RPTOR: variants seen among roughly 807,000 people sequenced by gnomAD.
The protein encoded by RPTOR is regulatory associated protein of MTOR complex 1, also known as regulatory-associated protein of mTOR.
RPTOR carries 21 observed loss-of-function variants against 169.9 expected under a neutral mutation model. The observed-to-expected ratio is 0.12, with a 90% CI of 0.09 to 0.18. The LOEUF (loss-of-function observed/expected upper bound fraction) is 0.18, where lower values mean the gene tolerates loss of function less well. RPTOR is among the 10% of genes least tolerant of loss of function. The pLI is 1.00. For missense variants in RPTOR, 1,133 were observed against 1,855.9 expected, an observed-to-expected ratio of 0.61 and a Z score of 7.16; for synonymous variants, 732 against 753.2, an observed-to-expected ratio of 0.97 and a Z score of 0.46.
intron 20 of RPTOR, among the ~76,000 whole-genome samples, chr17:80,908,467 C>G (rs2068572209): frequency 6.6e-6 from 1 of 152,174 alleles, no homozygotes; most frequent in Non-Finnish European, 1.5e-5. Context: ...TGCGGCAGCT[C>G]CTAGAAATCT....
In RPTOR at chr17:80,892,732, G is replaced by C; in HGVS notation, c.2105G>C (p.Gly702Ala). 6.2e-7 allele frequency: 1 copy of C among 1,613,388 alleles called. No homozygotes were observed. The highest frequency in any genetic ancestry group is 8.5e-7 in the Non-Finnish European group (1 of 1,179,604). The change falls in exon 19 of 34, where the codon GGA (glycine) becomes GCA (alanine). Residue 702 changes from glycine to alanine, a missense_variant. Gly to Ala is a moderately conservative substitution (Grantham distance 60, BLOSUM62 0). This residue lies in a region of RPTOR where 150 missense variants were observed against 206.4 expected (regional missense o/e 0.73). Transcript: ENST00000306801. ...YALPSPATTE[G>A]GSLTPVRDSP... is the part of the protein sequence containing the mutation. ...TGTCTTTCTCCTTCTTTCCCAGAGG[G>C]AGGGAGTTTGACCCCAGTGCGAGAC...
intron 1 of RPTOR, among the ~76,000 whole-genome samples, chr17:80,547,018 G>T (rs1214821928): frequency 6.6e-6 from 1 of 152,152 alleles, no homozygotes; most frequent in Admixed American, 6.6e-5. Flanking sequence ...GCAGTGAGCC[G>T]AAATCGCACC....
intron 1 of RPTOR, among the ~76,000 whole-genome samples, chr17:80,568,862 G>C (rs1430932866): frequency 1.3e-5 from 2 of 152,016 alleles, no homozygotes; most frequent in African/African-American, 4.8e-5. Context: ...TTGTTACAGA[G>C]ACAGGAGGAT....
intron 7 of RPTOR, among the ~76,000 whole-genome samples, chr17:80,812,026 C>T (rs1158346227): frequency 1.3e-5 from 2 of 152,258 alleles, no homozygotes; most frequent in Non-Finnish European, 2.9e-5. Flanking sequence ...GGGACACAGC[C>T]ACACCCTCTC....
chr17:80,946,440 C>T (rs898795517), intron 26 of RPTOR, among the ~76,000 whole-genome samples: 3 of 152,246 alleles, frequency 2.0e-5, no homozygotes, highest in Non-Finnish European at 4.4e-5. Context: ...CCAGAACCTT[C>T]TCATCACACA....
At chr17:80,762,650 A>G (rs1002776404) in intron 6 of RPTOR, among the ~76,000 whole-genome samples, 1 of 152,268 alleles carries the variant, frequency 6.6e-6, no homozygotes, top group African/African-American at 2.4e-5. Context: ...GGAAGCATTA[A>G]GTATAAAAAA....
At chr17:80,699,292 G>T (rs566986749) in intron 3 of RPTOR, among the ~76,000 whole-genome samples, 1 of 152,354 alleles carries the variant, frequency 6.6e-6, no homozygotes, top group African/African-American at 2.4e-5. Flanking sequence ...AGCAGGTAGA[G>T]TCCAGTACCC....
intron 20 of RPTOR, among the ~76,000 whole-genome samples, chr17:80,901,820 G>A (rs2280145): frequency 0.73 from 107,800 of 148,450 alleles, 39,406 homozygotes; most frequent in Admixed American, 0.78. Flanking sequence ...CGCCCCCAGC[G>A]CCCTCCCTGC....
At chr17:80,557,930 A>G (rs1046238181) in intron 1 of RPTOR, among the ~76,000 whole-genome samples, 10 of 152,180 alleles carry the variant, frequency 6.6e-5, no homozygotes, top group African/African-American at 1.9e-4. Context: ...CGTCTCAAAA[A>G]ATAATAATAA....
At chr17:80,895,007 G>A (rs1211502733) in intron 20 of RPTOR, among the ~76,000 whole-genome samples, 2 of 152,224 alleles carry the variant, frequency 1.3e-5, no homozygotes, top group Non-Finnish European at 2.9e-5. Flanking sequence ...GGTCATCTAG[G>A]TTTTGTTCCT....
intron 1 of RPTOR, chr17:80,602,881 C>A (rs768886834): frequency 3.5e-5 from 17 of 482,912 alleles, no homozygotes; most frequent in Middle Eastern, 6.2e-4. Context: ...TCGCTGATTG[C>A]AGAATGGCCG....
chr17:80,965,886 G>A lies in RPTOR; in HGVS notation c.*1556G>A, dbSNP rs761786114. 1.3e-4 allele frequency: 30 copies of A among 233,374 alleles called. No individual in the cohort carries two copies. The highest frequency in any genetic ancestry group is 2.2e-4 in the Admixed American group (4 of 17,798). The allele number at this position is 233,374 out of a possible 1,614,324, so 14.5% of individuals were successfully genotyped here. A position where few individuals can be genotyped will look rare whatever the true frequency, so the allele number is the denominator to read the frequency against. On this transcript the variant is annotated 3_prime_UTR_variant, in exon 34 of 34. Transcript: ENST00000306801. ...GTTCCGGCACGAATCCCATCCCCACGTCTGGGCCGAGAAAGCAGCCCGGGT... is the reference window on the plus strand; with the variant it reads ...GTTCCGGCACGAATCCCATCCCCACATCTGGGCCGAGAAAGCAGCCCGGGT...
In RPTOR at chr17:80,886,182, G is replaced by A. The variant is rs115237700; in HGVS notation, c.1983+1034G>A. 8.7e-3 allele frequency among the ~76,000 whole-genome samples: 1,319 copies of A among 152,370 alleles called. 19 individuals carry two copies. The highest frequency in any genetic ancestry group is 0.03 in the African/African-American group (1,246 of 41,586). ...GACGGGCCGTGGTCCAGGGGCCTGG[G>A]GGTTGTTTGTCTGGAGAGCAGCTGC... On this transcript the variant is annotated intron_variant, in intron 17 of 33. Coordinates refer to ENST00000306801, the MANE Select transcript of RPTOR (RefSeq NM_020761.3).
chr17:80,681,428 G>A (rs1567854183), intron 3 of RPTOR, among the ~76,000 whole-genome samples: 2 of 152,154 alleles, frequency 1.3e-5, no homozygotes, highest in Admixed American at 6.5e-5. Context: ...TCCTCATGCC[G>A]CTGCTGTCCC....
At position 80,634,751 on chromosome 17, in the gene RPTOR, G is replaced by GTGTGCGTACTGTGTGTGTGCATAC. The variant is rs2065489536; in HGVS notation, c.265+8962_265+8963insCGTACTGTGTGTGTGCATACTGTG. On this transcript the variant is annotated intron_variant, in intron 2 of 33. Coordinates refer to ENST00000306801, the MANE Select transcript of RPTOR (RefSeq NM_020761.3). Reference sequence around the variant, plus strand: ...TGTGCGTACTGTGTGTGTGCATACTGTGTGTGTGCGTACTGTGCGTGTGTG... The same window carrying GTGTGCGTACTGTGTGTGTGCATAC: ...TGTGCGTACTGTGTGTGTGCATACTGTGTGCGTACTGTGTGTGTGCATACTGTGTGTGCGTACTGTGCGTGTGTG... Among the ~76,000 whole-genome samples, 4 of 52,594 alleles carry GTGTGCGTACTGTGTGTGTGCATAC rather than the reference G, an allele frequency of 7.6e-5. 1 individual carries two copies. Among genetic ancestry groups the GTGTGCGTACTGTGTGTGTGCATAC allele is most frequent in the South Asian group, 4.3e-4 (1 of 2,334 alleles). The allele number at this position is 52,594 out of a possible 152,430, so 34.5% of individuals were successfully genotyped here. A position where few individuals can be genotyped will look rare whatever the true frequency, so the allele number is the denominator to read the frequency against.
chr17:80,569,853 C>T (rs1295112659), intron 1 of RPTOR, among the ~76,000 whole-genome samples: 1 of 152,144 alleles, frequency 6.6e-6, no homozygotes, highest in Non-Finnish European at 1.5e-5. Flanking sequence ...CCGTGAGGGT[C>T]GTGGGTGCTT....
chr17:80,869,806 AAAAAC>A (rs957372244), intron 13 of RPTOR, among the ~76,000 whole-genome samples: 6 of 152,236 alleles, frequency 3.9e-5, no homozygotes, highest in Admixed American at 3.9e-4. Flanking sequence ...CACAGTGCAG[AAAAAC>A]ACAGGGGATC....
intron 6 of RPTOR, among the ~76,000 whole-genome samples, chr17:80,769,498 A>T (rs1003051149): frequency 6.6e-6 from 1 of 152,192 alleles, no homozygotes; most frequent in Non-Finnish European, 1.5e-5. Flanking sequence ...TGTCCCAGGT[A>T]GCCAGTAAAC....
chr17:80,912,246 G>A (rs1315082548), intron 21 of RPTOR, among the ~76,000 whole-genome samples: 2 of 152,172 alleles, frequency 1.3e-5, no homozygotes, highest in Non-Finnish European at 2.9e-5. Context: ...GTGTCTGGTG[G>A]CCTCTTCTTT....
Sources: gnomAD v4.1 joint callset for allele counts (sites outside exome capture counted in the v4.1 genomes callset) on GRCh38, gnomAD v4.1.1 for gene constraint, gnomAD v4.1.1 regional missense constraint, MANE v1.5 for transcripts, NCBI Gene and HGNC (gene_info 2026-07-23, HGNC 2026-07-21) for gene names.